AGBL4: variants seen among roughly 807,000 people sequenced by gnomAD.
AGBL4 encodes cytosolic carboxypeptidase 6.
Under a neutral mutation model 66.4 loss-of-function variants are expected in AGBL4, and 58 were observed. The ratio of observed to expected loss-of-function variants is 0.87; its 90% CI spans 0.71 to 1.09. The LOEUF (loss-of-function observed/expected upper bound fraction) is 1.09. Among genes scored for constraint, AGBL4 ranks in the 50% least tolerant of loss-of-function variants. AGBL4 has a pLI of 0.00. For synonymous variants in AGBL4, 234 were observed against 222.9 expected, an observed-to-expected ratio of 1.05 and a Z score of -0.44; for missense variants, 579 against 631.0, an observed-to-expected ratio of 0.92 and a Z score of 0.88.
chr1:48,776,481 G>A (rs1017537999), intron 6 of AGBL4: 1 of 704,520 alleles, frequency 1.4e-6, no homozygotes, highest in Admixed American at 4.3e-5. Context: ...CCCAGAGGAC[G>A]GGAGAAGGAG....
chr1:49,963,800 A>T (rs1657320605), intron 1 of AGBL4, among the ~76,000 whole-genome samples: 1 of 152,162 alleles, frequency 6.6e-6, no homozygotes, highest in South Asian at 2.1e-4. Context: ...AAAGAGCAGA[A>T]ATTATAATGC....
chr1:49,110,114 A>ATTAC (rs1645376534), intron 4 of AGBL4, among the ~76,000 whole-genome samples: 1 of 152,180 alleles, frequency 6.6e-6, no homozygotes. Flanking sequence ...CATTGATCTT[A>ATTAC]TTACTTGATA....
intron 3 of AGBL4, among the ~76,000 whole-genome samples, chr1:49,620,077 T>C (rs1368923857): frequency 1.3e-5 from 2 of 152,036 alleles, no homozygotes; most frequent in Non-Finnish European, 2.9e-5. Context: ...ACTTCATTAC[T>C]AAAACACCAA....
chr1:49,968,484 G>A (rs531767897), intron 1 of AGBL4, among the ~76,000 whole-genome samples: 30 of 152,120 alleles, frequency 2.0e-4, no homozygotes, highest in African/African-American at 6.0e-4. Context: ...CTATCAACTC[G>A]CTTACCCATT....
chr1:48,949,551 A>T (rs1252956047), intron 5 of AGBL4, among the ~76,000 whole-genome samples: 1 of 152,244 alleles, frequency 6.6e-6, no homozygotes, highest in Admixed American at 6.5e-5. Context: ...CAAAGAATCC[A>T]CAAGAGCATC....
intron 3 of AGBL4, among the ~76,000 whole-genome samples, chr1:49,469,463 G>A (rs1205380502): frequency 1.3e-5 from 2 of 151,468 alleles, no homozygotes; most frequent in East Asian, 1.9e-4. Flanking sequence ...AAAGCTTTAG[G>A]GATTCATATT....
intron 3 of AGBL4, among the ~76,000 whole-genome samples, chr1:49,393,586 G>A (rs1644894619): frequency 6.6e-6 from 1 of 152,198 alleles, no homozygotes; most frequent in Non-Finnish European, 1.5e-5. Context: ...GGCTATTAGA[G>A]AGGTATGAAA....
chr1:49,230,897 CT>C (rs1183874469), intron 4 of AGBL4, among the ~76,000 whole-genome samples: 2 of 152,112 alleles, frequency 1.3e-5, no homozygotes, highest in East Asian at 3.9e-4. Flanking sequence ...TTCTGATATA[CT>C]TGATCATAAG....
intron 2 of AGBL4, among the ~76,000 whole-genome samples, chr1:49,805,783 A>G (rs956537928): frequency 6.6e-6 from 1 of 152,100 alleles, no homozygotes; most frequent in Admixed American, 6.6e-5. Flanking sequence ...GAGCTGCCTT[A>G]CTCCTTTCGC....
intron 3 of AGBL4, among the ~76,000 whole-genome samples, chr1:49,684,701 T>C (rs1189802873): frequency 6.6e-6 from 1 of 152,206 alleles, no homozygotes; most frequent in Non-Finnish European, 1.5e-5. Flanking sequence ...TATGATTTAA[T>C]TGTTTTTACC....
chr1:49,450,726 T>C (rs983640430), intron 3 of AGBL4, among the ~76,000 whole-genome samples: 1 of 152,078 alleles, frequency 6.6e-6, no homozygotes, highest in African/African-American at 2.4e-5. Flanking sequence ...AGAAAGATGA[T>C]GGAATTTATG....
At chr1:48,961,925 T>C (rs891742208) in intron 5 of AGBL4, among the ~76,000 whole-genome samples, 8 of 152,152 alleles carry the variant, frequency 5.3e-5, no homozygotes, top group African/African-American at 1.9e-4. Context: ...AAACCAGTGA[T>C]CTCAATTCTG....
At chr1:49,292,981 G>A (rs1444942301) in intron 3 of AGBL4, among the ~76,000 whole-genome samples, 1 of 152,180 alleles carries the variant, frequency 6.6e-6, no homozygotes, top group Non-Finnish European at 1.5e-5. Flanking sequence ...CCATGTTGTG[G>A]GCAAAGAAAA....
chr1:48,707,026 G>A (rs955665970), intron 6 of AGBL4, among the ~76,000 whole-genome samples: 1 of 152,350 alleles, frequency 6.6e-6, no homozygotes. Context: ...GGGAGTGGTG[G>A]CCCATGCCTG....
intron 3 of AGBL4, among the ~76,000 whole-genome samples, chr1:49,413,096 A>G (rs1381820319): frequency 6.6e-6 from 1 of 152,174 alleles, no homozygotes; most frequent in East Asian, 1.9e-4. Context: ...GCAACTCTCA[A>G]TAATTTTGGC....
At chr1:49,606,439 G>A (rs1047272195) in intron 3 of AGBL4, among the ~76,000 whole-genome samples, 3 of 152,064 alleles carry the variant, frequency 2.0e-5, no homozygotes, top group Non-Finnish European at 2.9e-5. Context: ...ATTTTTGACA[G>A]TCAATGAGAA....
At chr1:48,913,952 C>T (rs1653367546) in intron 5 of AGBL4, among the ~76,000 whole-genome samples, 1 of 152,084 alleles carries the variant, frequency 6.6e-6, no homozygotes, top group Non-Finnish European at 1.5e-5. Context: ...ATAATGAGTC[C>T]TGTTTTAAAA....
chr1:48,928,144 G>T (rs1331815521), intron 5 of AGBL4, among the ~76,000 whole-genome samples: 1 of 152,188 alleles, frequency 6.6e-6, no homozygotes, highest in East Asian at 1.9e-4. Context: ...TCTGCGAGAA[G>T]CATCCACTGA....
intron 2 of AGBL4, among the ~76,000 whole-genome samples, chr1:49,803,856 T>C (rs1325645629): frequency 2.0e-5 from 3 of 152,216 alleles, no homozygotes. Flanking sequence ...ATGAAAATAT[T>C]TGGTTATTAA....
Sources: gnomAD v4.1 joint callset for allele counts (sites outside exome capture counted in the v4.1 genomes callset) on GRCh38, gnomAD v4.1.1 for gene constraint, MANE v1.5 for transcripts, NCBI Gene and HGNC (gene_info 2026-07-23, HGNC 2026-07-21) for gene names.